The following KIAA1217 variants were observed in gnomAD, a reference collection of about 807,000 sequenced individuals.
KIAA1217 encodes sickle tail protein homolog.
In KIAA1217, 88 loss-of-function variants were observed where a neutral mutation model predicts 163.9. The ratio of observed to expected loss-of-function variants is 0.54; its 90% confidence interval spans 0.45 to 0.64. The LOEUF is 0.64. Among genes scored for constraint, KIAA1217 ranks in the 30% least tolerant of loss-of-function variants. The pLI, the probability that KIAA1217 is intolerant of heterozygous loss-of-function variation, is 0.00. For synonymous variants in KIAA1217, 903 were observed against 923.1 expected, an observed-to-expected ratio of 0.98 and a Z score of 0.39; for missense variants, 2,372 against 2,475.0, an observed-to-expected ratio of 0.96 and a Z score of 0.88.
intron 2 of KIAA1217, among the ~76,000 whole-genome samples, chr10:24,280,490 C>T (rs927704130): frequency 3.3e-5 from 5 of 152,076 alleles, no homozygotes; most frequent in Admixed American, 1.3e-4. Context: ...TGACCTTTTC[C>T]GCACAGGTAA....
intron 1 of KIAA1217, among the ~76,000 whole-genome samples, chr10:23,822,712 T>G (rs1442166738): frequency 6.6e-6 from 1 of 152,178 alleles, no homozygotes; most frequent in Admixed American, 6.5e-5. Flanking sequence ...AGAAACAAAA[T>G]GCTTTGCTTA....
intron 2 of KIAA1217, among the ~76,000 whole-genome samples, chr10:24,057,719 C>T (rs1435369716): frequency 2.0e-5 from 3 of 151,834 alleles, no homozygotes; most frequent in Non-Finnish European, 4.4e-5. Context: ...CGTGTCTATT[C>T]AAATTCTTAG....
At chr10:24,110,888 A>C (rs2131742754) in intron 2 of KIAA1217, among the ~76,000 whole-genome samples, 1 of 152,362 alleles carries the variant, frequency 6.6e-6, no homozygotes, top group South Asian at 2.1e-4. Context: ...TTGATAGCCA[A>C]CCACCAAAAT....
Position 23,780,090 on chromosome 10 carries a change from A to G in KIAA1217, c.-321+84856A>G, listed in dbSNP as rs148629379. ...CTGTAGCCCCGGCATTAAGGAACAC[A>G]TAATAGGAAAAATATGAAGTTGTGA... On this transcript the variant is annotated intron_variant, in intron 1 of 18. Transcript: ENST00000376462. Among the ~76,000 whole-genome samples the G allele has an allele frequency of 2.2e-3, 333 of 152,326 alleles. 1 individual carries two copies. Among genetic ancestry groups the G allele is most frequent in the Non-Finnish European group, 3.7e-3 (254 of 68,024 alleles).
At chr10:24,498,082 G>A (rs2067041422) in intron 8 of KIAA1217, among the ~76,000 whole-genome samples, 1 of 152,126 alleles carries the variant, frequency 6.6e-6, no homozygotes, top group African/African-American at 2.4e-5. Flanking sequence ...GTTCAGTAGT[G>A]GCGTGAAGGC....
At chr10:24,104,605 C>T (rs186352683) in intron 2 of KIAA1217, among the ~76,000 whole-genome samples, 354 of 152,264 alleles carry the variant, frequency 2.3e-3, no homozygotes, top group African/African-American at 8.1e-3. Flanking sequence ...GGTAATCATA[C>T]ATTTGTCAAA....
At chr10:24,490,085 G>A (rs1026282433) in intron 6 of KIAA1217, among the ~76,000 whole-genome samples, 1 of 152,112 alleles carries the variant, frequency 6.6e-6, no homozygotes, top group Non-Finnish European at 1.5e-5. Flanking sequence ...CCCTGAATTT[G>A]ACTTGAGTTT....
Position 23,944,198 on chromosome 10 carries a change from G to T in KIAA1217, c.-320-63027G>T, listed in dbSNP as rs560638970. ...CCAGCACTTAGGGAGGTGGAGGTGG[G>T]CAGATTGCTTGAGCTCAGGAGTTCA... On this transcript the variant is annotated intron_variant, in intron 1 of 18. Transcript: ENST00000376462. Among the ~76,000 whole-genome samples, 11 of 152,282 alleles carry T rather than the reference G, an allele frequency of 7.2e-5. No homozygotes were observed. The South Asian group carries it at 1.7e-3, about 23-fold the overall frequency.
intron 1 of KIAA1217, among the ~76,000 whole-genome samples, chr10:23,974,017 A>G (rs1314279199): frequency 1.3e-5 from 2 of 152,216 alleles, no homozygotes; most frequent in African/African-American, 4.8e-5. Flanking sequence ...TTTGGAATAC[A>G]ATTTGGGTTT....
chr10:24,210,682 C>T (rs747620913), intron 1 of KIAA1217, among the ~76,000 whole-genome samples: 9 of 152,254 alleles, frequency 5.9e-5, no homozygotes, highest in Middle Eastern at 6.8e-3. Context: ...TTCATTCATT[C>T]AGTGAATATT....
At chr10:24,291,088 A>G (rs1027696937) in intron 2 of KIAA1217, among the ~76,000 whole-genome samples, 3 of 152,318 alleles carry the variant, frequency 2.0e-5, no homozygotes, top group Non-Finnish European at 2.9e-5. Context: ...GGTTGTTGAC[A>G]TAGACAGAGG....
chr10:23,736,306 G>A (rs948571798), intron 1 of KIAA1217, among the ~76,000 whole-genome samples: 1 of 152,180 alleles, frequency 6.6e-6, no homozygotes, highest in African/African-American at 2.4e-5. Flanking sequence ...ATGACACACA[G>A]ATTTAATTTT....
At chr10:24,147,029 A>AG (rs2064353540) in intron 2 of KIAA1217, among the ~76,000 whole-genome samples, 1 of 150,662 alleles carries the variant, frequency 6.6e-6, no homozygotes, top group Non-Finnish European at 1.5e-5. Flanking sequence ...AAAAAAAAAA[A>AG]AACAGTTCCC....
intron 5 of KIAA1217, among the ~76,000 whole-genome samples, chr10:24,449,233 A>T (rs2061203801): frequency 6.6e-6 from 1 of 152,198 alleles, no homozygotes; most frequent in African/African-American, 2.4e-5. Flanking sequence ...TAGAAGCAAG[A>T]AAAGGTAATA....
intron 6 of KIAA1217, among the ~76,000 whole-genome samples, chr10:24,485,639 C>G (rs1340587389): frequency 4.6e-5 from 7 of 152,158 alleles, no homozygotes; most frequent in Non-Finnish European, 8.8e-5. Context: ...GTGCCTGGCC[C>G]AAGAAATATT....
chr10:23,707,173 A>G (rs557566112), intron 1 of KIAA1217, among the ~76,000 whole-genome samples: 1 of 152,272 alleles, frequency 6.6e-6, no homozygotes, highest in East Asian at 1.9e-4. Flanking sequence ...AATTACAGCT[A>G]TGATTTGTAT....
chr10:23,951,976 T>C lies in KIAA1217; in HGVS notation c.-320-55249T>C, dbSNP rs191613263. On this transcript the variant is annotated intron_variant, in intron 1 of 18. Transcript: ENST00000376462. ...TTCTTAGGACTCCAGAGATCCATTG[T>C]GTGGACTAAGATGTACATTTAATCA... Among the ~76,000 whole-genome samples, 237 of 152,318 alleles carry C rather than the reference T, an allele frequency of 1.6e-3. 1 individual carries two copies. Among genetic ancestry groups the C allele is most frequent in the South Asian group, 0.013 (62 of 4,824 alleles).
intron 2 of KIAA1217, among the ~76,000 whole-genome samples, chr10:24,327,530 G>A (rs562242148): frequency 6.6e-6 from 1 of 152,074 alleles, no homozygotes. Context: ...TTGTTCTGTT[G>A]CCCAGGCTAG....
At chr10:24,185,325 T>C (rs919592179) in intron 2 of KIAA1217, among the ~76,000 whole-genome samples, 6 of 152,214 alleles carry the variant, frequency 3.9e-5, no homozygotes, top group African/African-American at 1.4e-4. Flanking sequence ...TAAGGCTTAA[T>C]GAGAATCTCC....
Sources: gnomAD v4.1 joint callset for allele counts (sites outside exome capture counted in the v4.1 genomes callset) on GRCh38, gnomAD v4.1.1 for gene constraint, MANE v1.5 for transcripts, NCBI Gene and HGNC (gene_info 2026-07-23, HGNC 2026-07-21) for gene names.